Variants in STXBP5L observed in about 807,000 individuals in gnomAD.
STXBP5L encodes the protein syntaxin-binding protein 5-like.
A neutral mutation model predicts 144.5 loss-of-function variants in STXBP5L; 65 were observed. The observed-to-expected ratio is 0.45, with a 90% confidence interval of 0.37 to 0.55. The LOEUF is 0.55. STXBP5L is among the 20% of genes least tolerant of loss of function. The probability of loss-of-function intolerance (pLI) is 0.00; values close to 1 mark genes in which losing one functional copy is unlikely to be tolerated. For synonymous variants in STXBP5L, 505 were observed against 469.6 expected, an observed-to-expected ratio of 1.08 and a Z score of -0.97; for missense variants, 1,298 against 1,405.5, an observed-to-expected ratio of 0.92 and a Z score of 1.22.
chr3:120,978,390 C>G (rs1179559742), intron 3 of STXBP5L, among the ~76,000 whole-genome samples: 1 of 152,244 alleles, frequency 6.6e-6, no homozygotes, highest in Non-Finnish European at 1.5e-5. Context: ...TGGCTTTCAG[C>G]TCCATCAGCT....
At chr3:120,942,125 T>G (rs569738808) in intron 2 of STXBP5L, among the ~76,000 whole-genome samples, 1 of 151,716 alleles carries the variant, frequency 6.6e-6, no homozygotes, top group African/African-American at 2.4e-5. Flanking sequence ...TCGCTGTGTA[T>G]AAATAATTTT....
chr3:121,023,531 G>T (rs751582482), intron 3 of STXBP5L, among the ~76,000 whole-genome samples: 1 of 152,118 alleles, frequency 6.6e-6, no homozygotes, highest in East Asian at 1.9e-4. Flanking sequence ...AGTGGTATTG[G>T]TATAAAAATA....
Position 121,041,685 on chromosome 3 carries a change from C to A in STXBP5L, c.288-15C>A, listed in dbSNP as rs1208220938. 6 of 1,599,076 alleles carry A rather than the reference C, an allele frequency of 3.8e-6. No individual in the cohort carries two copies. Among genetic ancestry groups the A allele is most frequent in the Non-Finnish European group, 4.3e-6 (5 of 1,167,216 alleles). On this transcript the variant is annotated splice_polypyrimidine_tract_variant and intron_variant, in intron 3 of 26. Transcript: ENST00000471454. The stretch of plus-strand genomic sequence containing the variant: ...CTAATTAAAATGTTAGAATCCTTGA[C>A]TTTTATTATATTAGACTCGGGAGAC...
chr3:121,395,363 A>G (rs1179520040), intron 22 of STXBP5L, among the ~76,000 whole-genome samples: 1 of 152,224 alleles, frequency 6.6e-6, no homozygotes, highest in Non-Finnish European at 1.5e-5. Flanking sequence ...TTTTCAAACA[A>G]ATAAGAAATT....
chr3:120,982,113 G>A (rs192905378), intron 3 of STXBP5L, among the ~76,000 whole-genome samples: 2 of 152,284 alleles, frequency 1.3e-5, no homozygotes, highest in Admixed American at 1.3e-4. Context: ...GTTTTGTATT[G>A]TGTTGTGCAG....
At chr3:121,389,640 T>G (rs575865742) in intron 22 of STXBP5L, among the ~76,000 whole-genome samples, 15 of 152,302 alleles carry the variant, frequency 9.8e-5, no homozygotes, top group African/African-American at 3.1e-4. Context: ...ATTTTGTTAT[T>G]TACCCAGTAG....
intron 19 of STXBP5L, among the ~76,000 whole-genome samples, chr3:121,313,618 G>A (rs1313741087): frequency 7.2e-5 from 1 of 13,938 alleles, no homozygotes; most frequent in African/African-American, 3.1e-4. Context: ...CCCCCCCCCC[G>A]CCTCCCTCCC....
intron 20 of STXBP5L, among the ~76,000 whole-genome samples, chr3:121,355,015 C>A (rs1196174754): frequency 1.3e-5 from 2 of 152,242 alleles, no homozygotes; most frequent in East Asian, 3.9e-4. Flanking sequence ...AATATTGGCT[C>A]CCACTCTCTT....
At position 121,259,183 on chromosome 3, in the gene STXBP5L, T is replaced by C. The variant is rs776076717; in HGVS notation, c.1958+15T>C. On this transcript the variant is annotated intron_variant, in intron 18 of 26. Coordinates refer to ENST00000471454, the MANE Select transcript of STXBP5L (RefSeq NM_001308330.2). ...GCATATGGAATGTAAGTAATTAAAC[T>C]TTTTTATGATATGTATTATTTAGCT... 5.9e-6 allele frequency: 9 copies of C among 1,521,618 alleles called. No homozygotes were observed. The Admixed American group carries it at 1.6e-4, about 26-fold the overall frequency. 94.3% of individuals were successfully genotyped at this position (1,521,618 alleles called of 1,614,324 possible).
At chr3:121,050,142 G>A (rs1244248283) in intron 5 of STXBP5L, among the ~76,000 whole-genome samples, 2 of 152,098 alleles carry the variant, frequency 1.3e-5, no homozygotes, top group Admixed American at 1.3e-4. Flanking sequence ...GGATGTTCTG[G>A]TTGAAGAGCT....
intron 20 of STXBP5L, among the ~76,000 whole-genome samples, chr3:121,341,571 A>G (rs1355988970): frequency 2.0e-5 from 3 of 152,168 alleles, no homozygotes; most frequent in African/African-American, 7.2e-5. Flanking sequence ...GCACTCCCAT[A>G]TATTGCAGCA....
At chr3:121,020,596 G>C (rs1038311224) in intron 3 of STXBP5L, among the ~76,000 whole-genome samples, 5 of 152,122 alleles carry the variant, frequency 3.3e-5, no homozygotes, top group African/African-American at 1.2e-4. Context: ...GAAGGGATTG[G>C]TTCCTATCTT....
At chr3:121,372,135 AG>A (rs1305687812) in intron 20 of STXBP5L, among the ~76,000 whole-genome samples, 1 of 152,140 alleles carries the variant, frequency 6.6e-6, no homozygotes, top group Non-Finnish European at 1.5e-5. Flanking sequence ...TCTGCCAGTC[AG>A]GCACAGTCCA....
chr3:121,094,461 T>G (rs1374721113), intron 5 of STXBP5L, among the ~76,000 whole-genome samples: 1 of 152,112 alleles, frequency 6.6e-6, no homozygotes, highest in Non-Finnish European at 1.5e-5. Flanking sequence ...TGCTCCTGTA[T>G]TGGGTGCATA....
intron 10 of STXBP5L, among the ~76,000 whole-genome samples, chr3:121,217,368 G>A (rs2048815306): frequency 6.6e-6 from 1 of 152,160 alleles, no homozygotes; most frequent in African/African-American, 2.4e-5. Flanking sequence ...GGAAAAGCGT[G>A]GTATATGGGC....
intron 3 of STXBP5L, among the ~76,000 whole-genome samples, chr3:120,985,346 G>A (rs1011304626): frequency 3.9e-5 from 6 of 151,990 alleles, no homozygotes; most frequent in Non-Finnish European, 8.8e-5. Flanking sequence ...ATGATATTTT[G>A]ATGTATGTAT....
chr3:121,155,965 G>A (rs767260430), intron 8 of STXBP5L, among the ~76,000 whole-genome samples: 1 of 151,836 alleles, frequency 6.6e-6, no homozygotes, highest in Non-Finnish European at 1.5e-5. Flanking sequence ...GTTAAATGAG[G>A]CTCATCAAAG....
chr3:120,979,774 C>T (rs1263056104), intron 3 of STXBP5L, among the ~76,000 whole-genome samples: 1 of 152,154 alleles, frequency 6.6e-6, no homozygotes, highest in African/African-American at 2.4e-5. Context: ...TTTTGTTCTG[C>T]TACCTTTGGC....
At chr3:120,975,808 GT>G (rs1940919721) in intron 3 of STXBP5L, among the ~76,000 whole-genome samples, 1 of 151,962 alleles carries the variant, frequency 6.6e-6, no homozygotes, top group Non-Finnish European at 1.5e-5. Context: ...TAATCATGTG[GT>G]TTTTGTCTTT....
Sources: allele counts gnomAD v4.1 joint callset (sites outside exome capture counted in the v4.1 genomes callset), GRCh38; gene constraint gnomAD v4.1.1; transcripts MANE v1.5; gene names NCBI Gene and HGNC (gene_info 2026-07-23, HGNC 2026-07-21).